The following ERBB4 variants were observed in gnomAD, a reference collection of about 807,000 sequenced individuals.
ERBB4 encodes erb-b2 receptor tyrosine kinase 4, also known as receptor tyrosine-protein kinase erbB-4.
A neutral mutation model predicts 158.0 loss-of-function variants in ERBB4; 42 were observed. That is an observed-to-expected ratio of 0.27 (90% CI 0.21 to 0.34). The LOEUF (loss-of-function observed/expected upper bound fraction) is 0.34. Ranked by LOEUF, ERBB4 falls within the 10% of genes least tolerant of loss-of-function variation. The pLI is 1.00. For missense variants in ERBB4, 1,333 were observed against 1,624.1 expected (o/e 0.82, Z 3.08); for synonymous variants, 583 against 558.7 (o/e 1.04, Z -0.61).
At chr2:211,476,495 A>G (rs2064957712) in intron 20 of ERBB4, among the ~76,000 whole-genome samples, 1 of 151,978 alleles carries the variant, frequency 6.6e-6, no homozygotes, top group South Asian at 2.1e-4. Flanking sequence ...ACTTAAAGCT[A>G]ATGGAGACCC....
chr2:212,062,848 C>T (rs73988956), intron 2 of ERBB4, among the ~76,000 whole-genome samples: 20,600 of 152,094 alleles, frequency 0.14, 2,005 homozygotes, highest in African/African-American at 0.27. Flanking sequence ...ACCAGACTGG[C>T]CTGTGTATAA....
At chr2:211,421,896 T>C in intron 24 of ERBB4, 111 bp downstream of exon 24, 2 of 744,330 alleles carry the variant, frequency 2.7e-6, no homozygotes, top group East Asian at 2.6e-5. Context: ...TTCTGCTTAA[T>C]TAATCAACAT....
chr2:212,199,838 A>G (rs2082540097), intron 1 of ERBB4, among the ~76,000 whole-genome samples: 1 of 151,394 alleles, frequency 6.6e-6, no homozygotes, highest in South Asian at 2.1e-4. Context: ...CAATGAACCA[A>G]TCAGAATTCA....
chr2:211,684,081 A>G lies in ERBB4; in HGVS notation c.1490-4897T>C, dbSNP rs573542641. Among the ~76,000 whole-genome samples the G allele has an allele frequency of 3.3e-5, 5 of 152,218 alleles. No individual in the cohort carries two copies. The Middle Eastern group carries it at 0.01, about 311-fold the overall frequency. ...TTTAGTGCTACTTTTTGTTCTTTAT[A>G]TATTCCATCTATCTATGAAACCATT... On this transcript the variant is annotated intron_variant, in intron 12 of 27. Coordinates refer to ENST00000342788, the MANE Select transcript of ERBB4 (RefSeq NM_005235.3).
In ERBB4 at chr2:211,992,045, C is replaced by T. The variant is rs189394066; in HGVS notation, c.235-44429G>A. ...CCACATTTTCCTGTCGTCTTCTGAA[C>T]CCTCCAAACTGTTCCAACCTCTGCC... On this transcript the variant is annotated intron_variant, in intron 2 of 27. Transcript: ENST00000342788. Among the ~76,000 whole-genome samples the T allele has an allele frequency of 1.4e-4, 21 of 152,220 alleles. 1 individual carries two copies. In the East Asian group the frequency reaches 2.7e-3, roughly 20 times the overall value.
chr2:211,430,894 A>G, intron 21 of ERBB4, 51 bp downstream of exon 21: 1 of 1,426,286 alleles, frequency 7.0e-7, no homozygotes, highest in Non-Finnish European at 9.9e-7. Context: ...AGGAGATAAA[A>G]GGATATTATA....
chr2:211,936,012 C>A (rs1275310184), intron 3 of ERBB4, among the ~76,000 whole-genome samples: 2 of 152,058 alleles, frequency 1.3e-5, no homozygotes, highest in African/African-American at 4.8e-5. Context: ...ACCAAAGGCA[C>A]AAAGCCTAAA....
rs182219388 is a variant in ERBB4, at chr2:211,519,233, T to C, written c.2487+42670A>G. On this transcript the variant is annotated intron_variant, in intron 20 of 27. Coordinates refer to ENST00000342788, the MANE Select transcript of ERBB4 (RefSeq NM_005235.3). ...AATACAGTGACTTAATTTTTCTTTA[T>C]TGCATAAATATTTTTGCATTATTTA... 2.9e-3 allele frequency among the ~76,000 whole-genome samples: 438 copies of C among 152,332 alleles called. 3 individuals carry two copies. The highest frequency in any genetic ancestry group is 9.8e-3 in the African/African-American group (409 of 41,594).
intron 2 of ERBB4, among the ~76,000 whole-genome samples, chr2:212,062,532 C>T (rs7584745): frequency 0.83 from 124,768 of 151,100 alleles, 53,111 homozygotes; most frequent in East Asian, 1. Flanking sequence ...TTCAGCCTCC[C>T]GAGTAGCTGA....
chr2:211,773,768 G>C (rs1559506697), intron 4 of ERBB4, among the ~76,000 whole-genome samples: 1 of 148,926 alleles, frequency 6.7e-6, no homozygotes, highest in Non-Finnish European at 1.5e-5. Context: ...TTTATGTGAA[G>C]TATATATATA....
intron 3 of ERBB4, among the ~76,000 whole-genome samples, chr2:211,917,281 T>C (rs2079722407): frequency 6.6e-6 from 1 of 151,948 alleles, no homozygotes; most frequent in South Asian, 2.1e-4. Context: ...AAAGCATAAA[T>C]TGCTTATTCC....
At chr2:212,212,894 T>C (rs757013687) in intron 1 of ERBB4, among the ~76,000 whole-genome samples, 2 of 152,116 alleles carry the variant, frequency 1.3e-5, no homozygotes, top group Non-Finnish European at 2.9e-5. Context: ...GACCCCTTCC[T>C]TATGCCTTAT....
chr2:211,536,357 G>C (rs1272155319), intron 20 of ERBB4, among the ~76,000 whole-genome samples: 1 of 132,288 alleles, frequency 7.6e-6, no homozygotes, highest in Non-Finnish European at 1.6e-5. Flanking sequence ...GAAGTCATTG[G>C]GTATGGAAAT....
Position 211,947,575 on chromosome 2 carries a change from A to G in ERBB4, c.276T>C (p.Asn92=). ...EVTGYVLVAL[N]QFRYLPLENL... ...TCTCCAGAGGCAGGTAACGAAACTG[A>G]TTAAGAGCCACTAACACGTAGCCTG... The change falls in exon 3 of 28, where the codon AAT becomes AAC. Residue 92 remains asparagine, a synonymous_variant. Transcript: ENST00000342788. 1 of 1,613,822 alleles carries G rather than the reference A, an allele frequency of 6.2e-7. No individual in the cohort carries two copies. The highest frequency in any genetic ancestry group is 8.5e-7 in the Non-Finnish European group (1 of 1,179,892).
chr2:212,345,946 A>G (rs564370517), intron 1 of ERBB4, among the ~76,000 whole-genome samples: 2 of 152,294 alleles, frequency 1.3e-5, no homozygotes, highest in Admixed American at 6.5e-5. Flanking sequence ...GATAAATACA[A>G]TGTATATTTT....
chr2:211,707,282 G>T lies in ERBB4; in HGVS notation c.1125-1891C>A, dbSNP rs151261805. Among the ~76,000 whole-genome samples, 58 of 152,252 alleles carry T rather than the reference G, an allele frequency of 3.8e-4. No individual in the cohort carries two copies. The South Asian group carries it at 5.8e-3, about 15-fold the overall frequency. On this transcript the variant is annotated intron_variant, in intron 9 of 27. Coordinates refer to ENST00000342788, the MANE Select transcript of ERBB4 (RefSeq NM_005235.3). ...AGGACCCTTGTCAAATAAGTTGACA[G>T]AATTCCACTCACTGATTTCAAAGTA...
At chr2:212,519,704 G>C (rs1318110058) in intron 1 of ERBB4, among the ~76,000 whole-genome samples, 1 of 151,780 alleles carries the variant, frequency 6.6e-6, no homozygotes, top group African/African-American at 2.4e-5. Flanking sequence ...GTAAATACAA[G>C]GAGCTAAAAA....
rs1316791106 is a variant in ERBB4, at chr2:212,380,584, T to C, written c.82+157865A>G. On this transcript the variant is annotated intron_variant, in intron 1 of 27. Coordinates refer to ENST00000342788, the MANE Select transcript of ERBB4 (RefSeq NM_005235.3). Reference sequence around the variant, plus strand: ...ATGCAGCTCATTTATTTTAAGATAGTGTACTTGATAAAAAATACACTTAAG... The same window carrying C: ...ATGCAGCTCATTTATTTTAAGATAGCGTACTTGATAAAAAATACACTTAAG... Among the ~76,000 whole-genome samples the C allele has an allele frequency of 2.0e-5, 3 of 150,962 alleles. No homozygotes were observed. In the Admixed American group the frequency reaches 2.0e-4, roughly 10 times the overall value.
At chr2:212,413,896 C>G (rs889332810) in intron 1 of ERBB4, among the ~76,000 whole-genome samples, 1 of 152,058 alleles carries the variant, frequency 6.6e-6, no homozygotes, top group Non-Finnish European at 1.5e-5. Context: ...AACAAGAGTA[C>G]AGCCTACTCA....
Sources: allele counts gnomAD v4.1 joint callset (sites outside exome capture counted in the v4.1 genomes callset), GRCh38; gene constraint gnomAD v4.1.1; transcripts MANE v1.5; gene names NCBI Gene and HGNC (gene_info 2026-07-23, HGNC 2026-07-21).